ERBB4: variants seen among roughly 807,000 people sequenced by gnomAD.
ERBB4 encodes the protein receptor tyrosine-protein kinase erbB-4.
ERBB4 carries 42 observed loss-of-function variants against 158.0 expected under a neutral mutation model. That is an observed-to-expected ratio of 0.27 (90% CI 0.21 to 0.34). ERBB4 has a LOEUF of 0.34. Ranked by LOEUF, ERBB4 falls within the 10% of genes least tolerant of loss-of-function variation. ERBB4 has a pLI of 1.00. For synonymous variants in ERBB4, 583 were observed against 558.7 expected (o/e 1.04, Z -0.61); for missense variants, 1,333 against 1,624.1 (o/e 0.82, Z 3.08).
intron 20 of ERBB4, among the ~76,000 whole-genome samples, chr2:211,548,022 A>G (rs1236477766): frequency 6.6e-6 from 1 of 152,106 alleles, no homozygotes; most frequent in Non-Finnish European, 1.5e-5. Flanking sequence ...AAACCTTCAT[A>G]TTTCATGCAA....
At chr2:211,424,052 C>T in intron 23 of ERBB4, 103 bp downstream of exon 23, 2 of 1,159,834 alleles carry the variant, frequency 1.7e-6, no homozygotes, top group Non-Finnish European at 2.6e-6. Flanking sequence ...TGTTTTTGAA[C>T]TGTCGTATTT....
chr2:211,465,887 T>C (rs906028598), intron 20 of ERBB4, among the ~76,000 whole-genome samples: 1 of 152,142 alleles, frequency 6.6e-6, no homozygotes, highest in African/African-American at 2.4e-5. Context: ...CAGTGGGGAT[T>C]TGCACTTTGA....
chr2:212,272,379 G>T (rs898631454), intron 1 of ERBB4, among the ~76,000 whole-genome samples: 4 of 151,854 alleles, frequency 2.6e-5, no homozygotes, highest in African/African-American at 7.2e-5. Context: ...AACAGATTTT[G>T]CATTTCACTC....
rs566432426 is a variant in ERBB4, at chr2:212,073,810, T to C, written c.234+50942A>G. 6.9e-4 allele frequency among the ~76,000 whole-genome samples: 102 copies of C among 148,650 alleles called. No individual in the cohort carries two copies. In the Middle Eastern group the frequency reaches 0.014, roughly 20 times the overall value. On this transcript the variant is annotated intron_variant, in intron 2 of 27. Coordinates refer to ENST00000342788, the MANE Select transcript of ERBB4 (RefSeq NM_005235.3). Reference sequence around the variant, plus strand: ...CTATACTTACACAATCAAAGCATGATTATTTTTTTACATTCAACAAGATTT... The same window carrying C: ...CTATACTTACACAATCAAAGCATGACTATTTTTTTACATTCAACAAGATTT...
chr2:212,191,863 TATTA>T, intron 1 of ERBB4, among the ~76,000 whole-genome samples: 1 of 79,992 alleles, frequency 1.3e-5, no homozygotes, highest in Non-Finnish European at 2.4e-5. Flanking sequence ...ATGTTCTATA[TATTA>T]TATATAATAC....
intron 20 of ERBB4, among the ~76,000 whole-genome samples, chr2:211,504,421 C>A (rs1467806720): frequency 6.6e-6 from 1 of 151,512 alleles, no homozygotes; most frequent in Non-Finnish European, 1.5e-5. Flanking sequence ...CCAACATGTG[C>A]AACAGCTAAA....
At chr2:211,913,514 T>C (rs539172424) in intron 3 of ERBB4, among the ~76,000 whole-genome samples, 38 of 151,924 alleles carry the variant, frequency 2.5e-4, no homozygotes, top group African/African-American at 9.2e-4. Context: ...AGCAGGAGAA[T>C]CGCTCGAACT....
chr2:211,918,715 G>A (rs1025313437), intron 3 of ERBB4, among the ~76,000 whole-genome samples: 7 of 152,018 alleles, frequency 4.6e-5, no homozygotes, highest in African/African-American at 7.2e-5. Context: ...TATGTCTGTC[G>A]CTTCCAGGGA....
chr2:212,493,046 G>C (rs965091624), intron 1 of ERBB4, among the ~76,000 whole-genome samples: 1 of 151,304 alleles, frequency 6.6e-6, no homozygotes, highest in Non-Finnish European at 1.5e-5. Context: ...TTCAGTGAAC[G>C]TATGGTGTTA....
At chr2:211,734,377 A>T (rs114018417) in intron 5 of ERBB4, among the ~76,000 whole-genome samples, 1 of 152,252 alleles carries the variant, frequency 6.6e-6, no homozygotes, top group Non-Finnish European at 1.5e-5. Context: ...ATAAATTGAT[A>T]CATGATTTTT....
At chr2:212,384,920 T>TATATATATATATATATATATAC (rs764463489) in intron 1 of ERBB4, among the ~76,000 whole-genome samples, 2 of 123,774 alleles carry the variant, frequency 1.6e-5, no homozygotes, top group Non-Finnish European at 3.4e-5. Flanking sequence ...TATATATATA[T>TATATATATATATATATATATAC]ACACACACAC....
In ERBB4 at chr2:211,498,675, A is replaced by G. The variant is rs750826422; in HGVS notation, c.2487+63228T>C. 1.1e-4 allele frequency among the ~76,000 whole-genome samples: 17 copies of G among 152,250 alleles called. 1 individual carries two copies. The highest frequency in any genetic ancestry group is 1.5e-4 in the Non-Finnish European group (10 of 68,012). ...TCAAAGAGCTTTTCTCATATTTTCC[A>G]AACTCCTCAGCAGGAAACTAAAAAC... On this transcript the variant is annotated intron_variant, in intron 20 of 27. Transcript: ENST00000342788.
chr2:211,713,158 T>G (rs1468961657), intron 8 of ERBB4, among the ~76,000 whole-genome samples: 3 of 152,186 alleles, frequency 2.0e-5, no homozygotes, highest in Admixed American at 1.3e-4. Context: ...CTTTTTATGC[T>G]TAGCAGATAA....
intron 3 of ERBB4, among the ~76,000 whole-genome samples, chr2:211,889,669 A>C (rs1366524463): frequency 6.9e-6 from 1 of 144,326 alleles, no homozygotes; most frequent in African/African-American, 2.7e-5. Flanking sequence ...AAAAATTTAG[A>C]AGAATGTATA....
chr2:212,042,139 A>T (rs2077156306), intron 2 of ERBB4, among the ~76,000 whole-genome samples: 1 of 152,088 alleles, frequency 6.6e-6, no homozygotes, highest in Non-Finnish European at 1.5e-5. Context: ...TTTCAAATTC[A>T]GTATGGGTAA....
chr2:211,380,231 C>G lies in ERBB4; in HGVS notation c.*3384G>C. 1 of 232,298 alleles carries G rather than the reference C, an allele frequency of 4.3e-6. No individual in the cohort carries two copies. The allele number at this position is 232,298 out of a possible 1,614,324, so 14.4% of individuals were successfully genotyped here. ...CTAATACTATGCAGAAAACCAGGAG[C>G]TGCTTGGTAGTCTAACACCTTTTGT... is the stretch of plus-strand genomic sequence containing the variant. On this transcript the variant is annotated 3_prime_UTR_variant, in exon 28 of 28. Coordinates refer to ENST00000342788, the MANE Select transcript of ERBB4 (RefSeq NM_005235.3).
Position 211,702,078 on chromosome 2 carries a change from T to C in ERBB4, c.1378A>G (p.Ile460Val), listed in dbSNP as rs747093464. Residue 460 changes from isoleucine to valine, a missense_variant, in exon 12 of 28, where the codon ATT (isoleucine) becomes GTT (valine). Physicochemically the swap from Ile to Val is conservative, Grantham distance 29 (BLOSUM62 3). Transcript: ENST00000342788. Reference sequence around the variant, plus strand: ...TAACACAGGTTGCTGTTGTCAGTAATATAGATGTTTCCTGCGCTGATTTCC... The same window carrying C: ...TAACACAGGTTGCTGTTGTCAGTAACATAGATGTTTCCTGCGCTGATTTCC... Reference protein sequence around the residue: ...LKEISAGNIYITDNSNLCYYH... With the variant: ...LKEISAGNIYVTDNSNLCYYH... 2.5e-6 allele frequency: 4 copies of C among 1,613,920 alleles called. No individual in the cohort carries two copies. The highest frequency in any genetic ancestry group is 3.4e-6 in the Non-Finnish European group (4 of 1,179,822).
At chr2:211,777,274 C>T (rs567311470) in intron 4 of ERBB4, 1 of 152,222 alleles carries the variant, frequency 6.6e-6, no homozygotes, top group East Asian at 1.9e-4. Context: ...CATCAACAAA[C>T]CTGAACATCC....
At chr2:212,380,173 A>G (rs891801057) in intron 1 of ERBB4, among the ~76,000 whole-genome samples, 10 of 151,408 alleles carry the variant, frequency 6.6e-5, no homozygotes, top group South Asian at 2.1e-4. Context: ...CATGGGTTCC[A>G]CATCTGTAGA....
Sources: allele counts gnomAD v4.1 joint callset (sites outside exome capture counted in the v4.1 genomes callset), GRCh38; gene constraint gnomAD v4.1.1; transcripts MANE v1.5; gene names NCBI Gene and HGNC (gene_info 2026-07-23, HGNC 2026-07-21).